ADCY10: variants seen among roughly 807,000 people sequenced by gnomAD.
ADCY10 encodes adenylate cyclase 10.
ADCY10 carries 156 observed loss-of-function variants against 183.3 expected under a neutral mutation model. The ratio of observed to expected loss-of-function variants is 0.85; its 90% confidence interval spans 0.75 to 0.97. ADCY10 has a LOEUF of 0.97. Ranked by LOEUF, ADCY10 falls within the 50% of genes least tolerant of loss-of-function variation. ADCY10 has a pLI of 0.00. For missense variants in ADCY10, 1,745 were observed against 1,934.3 expected (o/e 0.90, Z 1.84); for synonymous variants, 645 against 670.0 (o/e 0.96, Z 0.58).
intron 14 of ADCY10, among the ~76,000 whole-genome samples, chr1:167,861,344 C>T (rs1049108692): frequency 6.6e-6 from 1 of 152,186 alleles, no homozygotes; most frequent in Non-Finnish European, 1.5e-5. Context: ...AGGTCATGAC[C>T]CTCTGACTGG....
chr1:167,844,630 C>T (rs936219018), intron 21 of ADCY10, among the ~76,000 whole-genome samples: 8 of 152,064 alleles, frequency 5.3e-5, no homozygotes, highest in Non-Finnish European at 1.2e-4. Flanking sequence ...AAAATCTATA[C>T]AATGAAAACA....
In ADCY10 at chr1:167,880,578, G is replaced by T. The variant is rs376285514; in HGVS notation, c.1052C>A (p.Pro351His). The T allele has an allele frequency of 3.7e-5, 59 of 1,613,892 alleles. No individual in the cohort carries two copies. The highest frequency in any genetic ancestry group is 4.8e-5 in the Non-Finnish European group (57 of 1,179,956). The change falls in exon 10 of 33, where the codon CCT becomes CAT. Residue 351 changes from proline (P) to histidine (H), a missense_variant. By Grantham distance (77) the Pro-to-His change is moderately conservative. Transcript: ENST00000367851. ...GCSFLCVFGFPGEKVPDELTH... is the reference protein window; with the variant it reads ...GCSFLCVFGFHGEKVPDELTH... ...GAGCTCGTCAGGTACCTTTTCCCCA[G>T]GGAAGCCAAAGACACAGAGGAAAGA... is the stretch of plus-strand genomic sequence containing the variant.
intron 7 of ADCY10, among the ~76,000 whole-genome samples, 192 bp downstream of exon 7, chr1:167,896,403 T>C (rs1201938309): frequency 6.6e-6 from 1 of 151,810 alleles, no homozygotes; most frequent in Non-Finnish European, 1.5e-5. Context: ...TAGGGAGAGG[T>C]GGATGGTGTG....
chr1:167,901,845 G>A, intron 4 of ADCY10, 40 bp from the exon 5 acceptor site: 1 of 1,614,022 alleles, frequency 6.2e-7, no homozygotes, highest in Non-Finnish European at 8.5e-7. Flanking sequence ...GACCTGCCCT[G>A]GGGATCAATC....
At chr1:167,864,045 C>T (rs1022147070) in intron 14 of ADCY10, among the ~76,000 whole-genome samples, 4 of 152,210 alleles carry the variant, frequency 2.6e-5, no homozygotes, top group Non-Finnish European at 4.4e-5. Flanking sequence ...GTGCCTGTTC[C>T]GGCACTTTGG....
In ADCY10 at chr1:167,905,211, T is replaced by G; in HGVS notation, c.-58-13A>C. On this transcript the variant is annotated splice_polypyrimidine_tract_variant and intron_variant, in intron 1 of 32. Coordinates refer to ENST00000367851, the MANE Select transcript of ADCY10 (RefSeq NM_018417.6). ...CCAAATAGGTCTTCTAAAAAGAAAATTGAAATAGAGGAAATCTGATATATT... is the reference window on the plus strand; with the variant it reads ...CCAAATAGGTCTTCTAAAAAGAAAAGTGAAATAGAGGAAATCTGATATATT... The G allele has an allele frequency of 6.5e-7, 1 of 1,536,642 alleles. No individual in the cohort carries two copies. Among genetic ancestry groups the G allele is most frequent in the Non-Finnish European group, 9.0e-7 (1 of 1,110,526 alleles).
intron 21 of ADCY10, among the ~76,000 whole-genome samples, chr1:167,840,550 G>T (rs1327118779): frequency 4.6e-5 from 7 of 151,846 alleles, no homozygotes; most frequent in African/African-American, 1.7e-4. Context: ...TGGAGATGGG[G>T]TTTCACTGTG....
chr1:167,851,652 C>G (rs1665495444), intron 18 of ADCY10, among the ~76,000 whole-genome samples: 1 of 151,900 alleles, frequency 6.6e-6, no homozygotes, highest in African/African-American at 2.4e-5. Context: ...GAAACCCCGT[C>G]TCTACTAAAA....
At position 167,824,836 on chromosome 1, in the gene ADCY10, T is replaced by C. The variant is rs1182911298; in HGVS notation, c.3770A>G (p.Asp1257Gly). Residue 1257 changes from aspartate to glycine, a missense_variant, in exon 27 of 33, where the codon GAC becomes GGC. By Grantham distance (94) the Asp-to-Gly change is moderately conservative (BLOSUM62 -1). Coordinates refer to ENST00000367851, the MANE Select transcript of ADCY10 (RefSeq NM_018417.6). ...NCFQIIKAYL[D>G]YSLYHHLAGY... Reference sequence around the variant, plus strand: ...AGCCAGGTGGTGGTATAGCGAATAGTCTAGGTAAGCCTTAATGATCTGAAA... The same window carrying C: ...AGCCAGGTGGTGGTATAGCGAATAGCCTAGGTAAGCCTTAATGATCTGAAA... 1 of 1,614,226 alleles carries C rather than the reference T, an allele frequency of 6.2e-7. No homozygotes were observed. The highest frequency in any genetic ancestry group is 8.5e-7 in the Non-Finnish European group (1 of 1,180,050).
In ADCY10 at chr1:167,852,527, A is replaced by G. The variant is rs888561555; in HGVS notation, c.2308+1826T>C. On this transcript the variant is annotated intron_variant, in intron 18 of 32. Transcript: ENST00000367851. The stretch of plus-strand genomic sequence containing the variant: ...AAACAAATGTATAAAATTTAGAAAT[A>G]GTATTTACTCTGCAGTATTTATATT... 4.6e-5 allele frequency among the ~76,000 whole-genome samples: 7 copies of G among 152,264 alleles called. No individual in the cohort carries two copies. The East Asian group carries it at 1.2e-3, about 25-fold the overall frequency.
At position 167,829,350 on chromosome 1, in the gene ADCY10, A is replaced by G. The variant is rs151050988; in HGVS notation, c.3667T>C (p.Tyr1223His). Reference sequence around the variant, plus strand: ...GCATAATACTTGCAGTGAAAAAGATAACTGTAGCTATAGATGCGCCACAGC... The same window carrying G: ...GCATAATACTTGCAGTGAAAAAGATGACTGTAGCTATAGATGCGCCACAGC... ...SLLWRIYSYS[Y>H]LFHCKYYAHL... The change falls in exon 26 of 33, where the codon TAT (tyrosine) becomes CAT (histidine). Residue 1223 changes from tyrosine to histidine, a missense_variant. By Grantham distance (83) the Tyr-to-His change is moderately conservative. Coordinates refer to ENST00000367851, the MANE Select transcript of ADCY10 (RefSeq NM_018417.6). The G allele has an allele frequency of 3.0e-5, 49 of 1,614,078 alleles. No homozygotes were observed. Among genetic ancestry groups the G allele is most frequent in the Non-Finnish European group, 4.0e-5 (47 of 1,180,008 alleles).
chr1:167,853,894 A>C (rs1665689946), intron 18 of ADCY10, among the ~76,000 whole-genome samples: 1 of 126,364 alleles, frequency 7.9e-6, no homozygotes, highest in Non-Finnish European at 1.6e-5. Context: ...GCTGGAGTGC[A>C]GTGGTGCAAT....
Position 167,823,066 on chromosome 1 carries a change from T to C in ADCY10, c.4110A>G (p.Glu1370=), listed in dbSNP as rs1252538739. 1 of 1,614,144 alleles carries C rather than the reference T, an allele frequency of 6.2e-7. No homozygotes were observed. ...GRLWELSVTQ[E]HIFSKAFFYF... ...AGAAAAATGCCTTGCTGAAGATGTG[T>C]TCCTGTGTTACAGAAAGCTCCCACA... The change falls in exon 29 of 33, where the codon GAA becomes GAG. Residue 1370 remains glutamate (E), a synonymous_variant. Coordinates refer to ENST00000367851, the MANE Select transcript of ADCY10 (RefSeq NM_018417.6).
intron 10 of ADCY10, 87 bp from the exon 11 acceptor site, chr1:167,880,278 G>T (rs1667779007): frequency 5.6e-6 from 7 of 1,246,426 alleles, no homozygotes; most frequent in Middle Eastern, 1.9e-4. Context: ...TAATGTCTGG[G>T]TTGGGAAAGG....
intron 1 of ADCY10, among the ~76,000 whole-genome samples, chr1:167,907,828 A>C (rs539424437): frequency 4.1e-4 from 62 of 152,370 alleles, no homozygotes; most frequent in Middle Eastern, 3.4e-3. Flanking sequence ...TATCCTTGTG[A>C]GTAAAATATA....
intron 8 of ADCY10, among the ~76,000 whole-genome samples, chr1:167,884,407 TA>T (rs1668076190): frequency 6.6e-6 from 1 of 152,102 alleles, no homozygotes; most frequent in Admixed American, 6.6e-5. Flanking sequence ...AGCAAGGGTA[TA>T]ATCCACCCCT....
chr1:167,867,195 C>T (rs1666764706), intron 14 of ADCY10, among the ~76,000 whole-genome samples: 1 of 152,176 alleles, frequency 6.6e-6, no homozygotes, highest in African/African-American at 2.4e-5. Flanking sequence ...GCCCAACCTC[C>T]AAAACCATCC....
chr1:167,857,590 C>A (rs1330868434), intron 16 of ADCY10, among the ~76,000 whole-genome samples: 7 of 152,150 alleles, frequency 4.6e-5, no homozygotes, highest in Admixed American at 2.0e-4. Flanking sequence ...TTCTTCTAAT[C>A]TAAAATGAGG....
chr1:167,888,700 C>G (rs951562953), intron 8 of ADCY10, among the ~76,000 whole-genome samples: 1 of 151,808 alleles, frequency 6.6e-6, no homozygotes, highest in Non-Finnish European at 1.5e-5. Flanking sequence ...CACGGTGAAA[C>G]CTCGTCTCTA....
Sources: allele counts gnomAD v4.1 joint callset (sites outside exome capture counted in the v4.1 genomes callset), GRCh38; gene constraint gnomAD v4.1.1; transcripts MANE v1.5; gene names NCBI Gene and HGNC (gene_info 2026-07-23, HGNC 2026-07-21).